Variants in SOBP observed in about 807,000 individuals in gnomAD.
SOBP encodes sine oculis binding protein homolog.
A neutral mutation model predicts 53.6 loss-of-function variants in SOBP; 4 were observed. The observed-to-expected ratio is 0.07, with a 90% CI of 0.04 to 0.17. The LOEUF (loss-of-function observed/expected upper bound fraction) is 0.17. Among genes scored for constraint, SOBP ranks in the 10% least tolerant of loss-of-function variants. SOBP has a pLI of 1.00. For missense variants in SOBP, 1,088 were observed against 1,204.7 expected (o/e 0.90, Z 1.43); for synonymous variants, 584 against 522.6 (o/e 1.12, Z -1.60).
At chr6:107,590,881 G>C (rs553057224) in intron 5 of SOBP, among the ~76,000 whole-genome samples, 75 of 152,210 alleles carry the variant, frequency 4.9e-4, no homozygotes, top group East Asian at 3.9e-3. Context: ...CTAATCCAGG[G>C]CTCAATAAAC....
chr6:107,652,915 A>G (rs552165893), intron 6 of SOBP, among the ~76,000 whole-genome samples: 1 of 152,246 alleles, frequency 6.6e-6, no homozygotes, highest in South Asian at 2.1e-4. Flanking sequence ...TTTTTTAGAC[A>G]TAATGCTACT....
intron 4 of SOBP, among the ~76,000 whole-genome samples, chr6:107,561,913 ATTTC>A (rs1233436186): frequency 6.6e-6 from 1 of 151,874 alleles, no homozygotes; most frequent in Non-Finnish European, 1.5e-5. Flanking sequence ...ACACATTTTT[ATTTC>A]TTTCTGTGTC....
chr6:107,520,070 A>G (rs568922663), intron 3 of SOBP, among the ~76,000 whole-genome samples: 1 of 152,322 alleles, frequency 6.6e-6, no homozygotes, highest in East Asian at 1.9e-4. Context: ...AGGGCACCAG[A>G]TTCTCAGTGG....
intron 4 of SOBP, among the ~76,000 whole-genome samples, chr6:107,576,513 C>A (rs1785229265): frequency 6.6e-6 from 1 of 152,182 alleles, no homozygotes. Context: ...AGAATAAAGA[C>A]CTGAGTGGCA....
chr6:107,573,764 T>A (rs1785144826), intron 4 of SOBP, among the ~76,000 whole-genome samples: 1 of 152,262 alleles, frequency 6.6e-6, no homozygotes, highest in Non-Finnish European at 1.5e-5. Context: ...TTTTGTAGTT[T>A]ACTTTTATTT....
chr6:107,553,905 T>C (rs932575432), intron 4 of SOBP, among the ~76,000 whole-genome samples: 1 of 151,972 alleles, frequency 6.6e-6, no homozygotes, highest in Non-Finnish European at 1.5e-5. Flanking sequence ...TGGTTTAGAG[T>C]TCTATATAAT....
intron 1 of SOBP, among the ~76,000 whole-genome samples, chr6:107,497,639 A>C (rs1167861571): frequency 6.6e-6 from 1 of 152,116 alleles, no homozygotes; most frequent in Non-Finnish European, 1.5e-5. Flanking sequence ...TACTATACTA[A>C]CCTTCCTTTT....
intron 6 of SOBP, among the ~76,000 whole-genome samples, chr6:107,654,443 A>G (rs1166729127): frequency 6.6e-6 from 1 of 152,112 alleles, no homozygotes; most frequent in Non-Finnish European, 1.5e-5. Context: ...TCTGCCATAG[A>G]TGTGTGTGTA....
At chr6:107,533,380 C>T in intron 3 of SOBP, 79 bp from the exon 4 acceptor site, 1 of 1,483,116 alleles carries the variant, frequency 6.7e-7, no homozygotes. Flanking sequence ...CCAGGTAGCT[C>T]TGTCAGGTTC....
intron 4 of SOBP, among the ~76,000 whole-genome samples, chr6:107,586,370 C>G (rs947837820): frequency 1.3e-5 from 2 of 152,210 alleles, no homozygotes; most frequent in African/African-American, 2.4e-5. Context: ...CACTCCAAAC[C>G]AGAAACCAGT....
rs968056860 is a variant in SOBP at position 107,660,846 on chromosome 6, C to T, written c.*2643C>T. 4.6e-5 allele frequency among the ~76,000 whole-genome samples: 7 copies of T among 152,196 alleles called. No homozygotes were observed. Among genetic ancestry groups the T allele is most frequent in the African/African-American group, 1.7e-4 (7 of 41,452 alleles). On this transcript the variant is annotated 3_prime_UTR_variant, in exon 7 of 7. Coordinates refer to ENST00000317357, the MANE Select transcript of SOBP (RefSeq NM_018013.4). ...TGAATGTTCATTAAAATCTGAGGCACCACGAGCAGCTCCCTTGAAGTGATC... is the reference window on the plus strand; with the variant it reads ...TGAATGTTCATTAAAATCTGAGGCATCACGAGCAGCTCCCTTGAAGTGATC...
chr6:107,595,928 AT>A (rs1562089249), intron 5 of SOBP, among the ~76,000 whole-genome samples: 1 of 152,150 alleles, frequency 6.6e-6, no homozygotes, highest in African/African-American at 2.4e-5. Context: ...AAAATAATGT[AT>A]TTCATTGCAT....
Position 107,633,909 on chromosome 6 carries a change from C to T in SOBP, c.1065C>T (p.Ile355=). The part of the protein sequence containing the change: ...IPTPVPKSIP[I]SETPNIPPVS... ...CGCCAGTGCCCAAGTCCATCCCCAT[C>T]AGCGAGACTCCAAATATCCCTCCTG... The change falls in exon 6 of 7, where the codon ATC becomes ATT. Residue 355 remains isoleucine, a synonymous_variant. Coordinates refer to ENST00000317357, the MANE Select transcript of SOBP (RefSeq NM_018013.4). 6.2e-7 allele frequency: 1 copy of T among 1,614,228 alleles called. No homozygotes were observed. Among genetic ancestry groups the T allele is most frequent in the Non-Finnish European group, 8.5e-7 (1 of 1,180,040 alleles).
intron 4 of SOBP, among the ~76,000 whole-genome samples, chr6:107,581,309 CAGA>C (rs1357760607): frequency 6.6e-6 from 1 of 152,128 alleles, no homozygotes; most frequent in Non-Finnish European, 1.5e-5. Flanking sequence ...GATCTGCCAG[CAGA>C]AGGAGAGATG....
At position 107,550,952 on chromosome 6, in the gene SOBP, A is replaced by G. The variant is rs1466946753; in HGVS notation, c.573+17342A>G. 2.0e-5 allele frequency among the ~76,000 whole-genome samples: 3 copies of G among 152,232 alleles called. No individual in the cohort carries two copies. In the East Asian group the frequency reaches 5.8e-4, roughly 29 times the overall value. On this transcript the variant is annotated intron_variant, in intron 4 of 6. Coordinates refer to ENST00000317357, the MANE Select transcript of SOBP (RefSeq NM_018013.4). ...TTTTATGAAGAAGTCTTCAGGAGAT[A>G]AAGGAGGCAAAGAAGCAGAGAATCT...
At chr6:107,596,767 A>G (rs949492778) in intron 5 of SOBP, among the ~76,000 whole-genome samples, 13 of 152,212 alleles carry the variant, frequency 8.5e-5, no homozygotes, top group African/African-American at 2.9e-4. Flanking sequence ...TCTCAATAAA[A>G]CAAGCTATAG....
chr6:107,551,643 GA>G lies in SOBP; in HGVS notation c.573+18036del, dbSNP rs1262679120. On this transcript the variant is annotated intron_variant, in intron 4 of 6. Transcript: ENST00000317357. Reference sequence around the variant, plus strand: ...AAACAGGGCATATGTATTTAAAACTGAAATAAAAATTTCATGAAATAATACC... The same window carrying G: ...AAACAGGGCATATGTATTTAAAACTGAATAAAAATTTCATGAAATAATACC... Among the ~76,000 whole-genome samples the G allele has an allele frequency of 8.5e-5, 13 of 152,164 alleles. No individual in the cohort carries two copies. In the East Asian group the frequency reaches 2.5e-3, roughly 29 times the overall value.
intron 3 of SOBP, among the ~76,000 whole-genome samples, chr6:107,520,057 A>G (rs1783436043): frequency 6.6e-6 from 1 of 152,196 alleles, no homozygotes; most frequent in Non-Finnish European, 1.5e-5. Flanking sequence ...TGAAAGAGTA[A>G]AAAGGGCACC....
In SOBP at chr6:107,588,141, C is replaced by G. The variant is rs111267589; in HGVS notation, c.669+966C>G. Among the ~76,000 whole-genome samples the G allele has an allele frequency of 4.5e-3, 692 of 152,174 alleles. 7 individuals carry two copies. The highest frequency in any genetic ancestry group is 0.016 in the African/African-American group (655 of 41,496). On this transcript the variant is annotated intron_variant, in intron 5 of 6. Transcript: ENST00000317357. ...TCTAATTTCTGTTTAGTTTTTTGGC[C>G]GACCAGCTCTGCCAGGTCTCTGCAT... is the stretch of plus-strand genomic sequence containing the variant.
Sources: gnomAD v4.1 joint callset for allele counts (sites outside exome capture counted in the v4.1 genomes callset) on GRCh38, gnomAD v4.1.1 for gene constraint, MANE v1.5 for transcripts, NCBI Gene and HGNC (gene_info 2026-07-23, HGNC 2026-07-21) for gene names.